The following ZNF717 variants were observed in gnomAD, a reference collection of about 807,000 sequenced individuals.
ZNF717 encodes the protein zinc finger protein 717.
A neutral mutation model predicts 13.8 loss-of-function variants in ZNF717; 9 were observed. The ratio of observed to expected loss-of-function variants is 0.65; its 90% confidence interval spans 0.39 to 1.14. ZNF717 has a LOEUF of 1.14. Ranked by LOEUF, ZNF717 falls within the 50% of genes most tolerant of loss-of-function variation. The pLI is 0.01. For missense variants in ZNF717, 1,040 were observed against 1,080.7 expected (o/e 0.96, Z 0.53); for synonymous variants, 327 against 364.1 (o/e 0.90, Z 1.16).
chr3:75,754,500 T>C (rs1942295391), intron 2 of ZNF717, among the ~76,000 whole-genome samples: 1 of 151,982 alleles, frequency 6.6e-6, no homozygotes, highest in Non-Finnish European at 1.5e-5. Flanking sequence ...TGTAGATGGG[T>C]AATGTATCCA....
chr3:75,764,518 G>A (rs529901661), intron 2 of ZNF717, among the ~76,000 whole-genome samples: 12 of 152,316 alleles, frequency 7.9e-5, no homozygotes, highest in Non-Finnish European at 1.6e-4. Context: ...CTGGCCCAAC[G>A]TAACGAGAAT....
At chr3:75,739,915 C>T (rs76940562) in intron 4 of ZNF717, among the ~76,000 whole-genome samples, 22 of 152,164 alleles carry the variant, frequency 1.4e-4, no homozygotes, top group Admixed American at 5.9e-4. Flanking sequence ...AGCAGAAAAT[C>T]TCTTATTCCC....
chr3:75,749,717 C>T (rs1837271), intron 2 of ZNF717, among the ~76,000 whole-genome samples: 126,730 of 151,788 alleles, frequency 0.83, 52,859 homozygotes, highest in East Asian at 0.89. Flanking sequence ...AGAACACTGC[C>T]ATGAGGGCCT....
intron 2 of ZNF717, among the ~76,000 whole-genome samples, chr3:75,744,649 A>G (rs1350765066): frequency 6.6e-6 from 1 of 152,226 alleles, no homozygotes; most frequent in Admixed American, 6.5e-5. Flanking sequence ...AGATAGAGTT[A>G]TTGTCGGGGA....
rs112455865 is a variant in ZNF717, at chr3:75,723,248, C to CTTTTTTTTTTTTT, written n.545-6720_545-6708dup. ...GTTATTTTTCTTTAAGACAATCTCA[C>CTTTTTTTTTTTTT]TTTTTTTTTTTTTTTTTTTCAGACA... On this transcript the variant is annotated intron_variant and non_coding_transcript_variant, in intron 4 of 5. Transcript: ENST00000491507. 5.6e-5 allele frequency among the ~76,000 whole-genome samples: 5 copies of CTTTTTTTTTTTTT among 88,656 alleles called. 1 individual carries two copies. The highest frequency in any genetic ancestry group is 1.7e-4 in the Admixed American group (1 of 5,972). The allele number at this position is 88,656 out of a possible 152,430, so 58.2% of individuals were successfully genotyped here.
At chr3:75,765,354 G>A (rs546366875) in intron 2 of ZNF717, among the ~76,000 whole-genome samples, 1 of 152,216 alleles carries the variant, frequency 6.6e-6, no homozygotes, top group East Asian at 1.9e-4. Context: ...AACTGGTTAT[G>A]ATGGTAAATT....
At chr3:75,777,998 G>C (rs1324323528) in intron 2 of ZNF717, among the ~76,000 whole-genome samples, 1 of 146,080 alleles carries the variant, frequency 6.8e-6, no homozygotes. Flanking sequence ...GGAGTGACTT[G>C]CTAAAACCGG....
intron 2 of ZNF717, among the ~76,000 whole-genome samples, chr3:75,773,436 T>C (rs1460837427): frequency 6.6e-6 from 1 of 152,204 alleles, no homozygotes; most frequent in Non-Finnish European, 1.5e-5. Flanking sequence ...CCCAAATTAG[T>C]CTCATCTAGG....
At chr3:75,704,429 C>A (rs566198941) in intron 6 of ZNF717, among the ~76,000 whole-genome samples, 30 of 22,362 alleles carry the variant, frequency 1.3e-3, no homozygotes, top group Middle Eastern at 0.023. Flanking sequence ...GGCAAGTGGG[C>A]CATCTTTTAG....
downstream of ZNF717, among the ~76,000 whole-genome samples, chr3:75,727,559 G>C (rs2106886120): frequency 6.6e-6 from 1 of 152,306 alleles, no homozygotes; most frequent in African/African-American, 2.4e-5. Context: ...GTCTTATGTG[G>C]TTGAAATAAG....
At chr3:75,717,798 G>A (rs1229461230) in intron 4 of ZNF717, among the ~76,000 whole-genome samples, 1 of 152,144 alleles carries the variant, frequency 6.6e-6, no homozygotes, top group Non-Finnish European at 1.5e-5. Context: ...TATTCTTGTG[G>A]GATTTGTTTG....
chr3:75,734,424 T>TTTTTTTTG (rs60772948), downstream of ZNF717, among the ~76,000 whole-genome samples: 61,998 of 148,174 alleles, frequency 0.42, 13,266 homozygotes, highest in Non-Finnish European at 0.46. Flanking sequence ...GTAAAATGGG[T>TTTTTTTTG]TTTTTTTGTT....
intron 2 of ZNF717, among the ~76,000 whole-genome samples, chr3:75,781,011 A>G (rs997208542): frequency 1.3e-4 from 20 of 152,380 alleles, no homozygotes; most frequent in Admixed American, 2.6e-4. Flanking sequence ...GGTAATAGTG[A>G]CACCAGTGAC....
chr3:75,746,214 T>A (rs1298365939), intron 2 of ZNF717, among the ~76,000 whole-genome samples: 1 of 152,256 alleles, frequency 6.6e-6, no homozygotes, highest in Non-Finnish European at 1.5e-5. Flanking sequence ...TATCATTTTT[T>A]ATGGCTGCAT....
Position 75,738,408 on chromosome 3 carries a change from G to C in ZNF717, c.1215C>G (p.Ser405Arg). Reference sequence around the variant, plus strand: ...GATGTATTGTGAGGTATGACTTCTGGCTAAAGGTTTTTCCACATTCACTAC... The same window carrying C: ...GATGTATTGTGAGGTATGACTTCTGCCTAAAGGTTTTTCCACATTCACTAC... ...YQCSECGKTF[S>R]QKSYLTIHHR... Residue 405 changes from serine to arginine, a missense_variant, in exon 5 of 5, where the codon AGC (serine) becomes AGG (arginine). By Grantham distance (110) the Ser-to-Arg change is moderately radical. Around this residue, in one of 3 missense-constraint regions of ZNF717, gnomAD observed 873 missense variants for 832.8 expected, o/e 1.05. Transcript: ENST00000652011. 6.5e-7 allele frequency: 1 copy of C among 1,532,184 alleles called. No homozygotes were observed. The highest frequency in any genetic ancestry group is 8.8e-7 in the Non-Finnish European group (1 of 1,133,290). The allele number at this position is 1,532,184 out of a possible 1,614,324, so 94.9% of individuals were successfully genotyped here. A position where few individuals can be genotyped will look rare whatever the true frequency, so the allele number is the denominator to read the frequency against.
chr3:75,773,504 G>A, intron 2 of ZNF717, among the ~76,000 whole-genome samples: 1 of 152,206 alleles, frequency 6.6e-6, no homozygotes, highest in Non-Finnish European at 1.5e-5. Flanking sequence ...CGGCCCATCT[G>A]GGAGCAAGTT....
chr3:75,772,756 A>G (rs1944000185), intron 2 of ZNF717, among the ~76,000 whole-genome samples: 1 of 152,252 alleles, frequency 6.6e-6, no homozygotes, highest in Non-Finnish European at 1.5e-5. Context: ...CCGAGTGGAC[A>G]GAACGAACCC....
At chr3:75,713,834 G>A (rs76521568) in intron 5 of ZNF717, among the ~76,000 whole-genome samples, 4 of 151,990 alleles carry the variant, frequency 2.6e-5, no homozygotes, top group African/African-American at 9.7e-5. Flanking sequence ...CAAAGGCCAG[G>A]CTGCGCTTTT....
intron 2 of ZNF717, among the ~76,000 whole-genome samples, chr3:75,779,771 A>G (rs1445163817): frequency 6.6e-6 from 1 of 150,592 alleles, no homozygotes; most frequent in African/African-American, 2.5e-5. Context: ...AACCCAAAAC[A>G]ATGGGAGTGA....
Sources: allele counts gnomAD v4.1 joint callset (sites outside exome capture counted in the v4.1 genomes callset), GRCh38; gene constraint gnomAD v4.1.1; regional missense constraint gnomAD v4.1.1; transcripts MANE v1.5; gene names NCBI Gene and HGNC (gene_info 2026-07-23, HGNC 2026-07-21).